NLGN1: variants seen among roughly 807,000 people sequenced by gnomAD.
NLGN1 encodes neuroligin-1.
Under a neutral mutation model 65.5 loss-of-function variants are expected in NLGN1, and 12 were observed. That is an observed-to-expected ratio of 0.18 (90% CI 0.12 to 0.30). NLGN1 has a LOEUF of 0.30. Ranked by LOEUF, NLGN1 falls within the 10% of genes least tolerant of loss-of-function variation. NLGN1 has a pLI of 1.00. For synonymous variants in NLGN1, 350 were observed against 359.5 expected, an observed-to-expected ratio of 0.97 and a Z score of 0.30; for missense variants, 750 against 1,007.1, an observed-to-expected ratio of 0.74 and a Z score of 3.46.
At chr3:173,750,297 A>G (rs967882632) in intron 3 of NLGN1, among the ~76,000 whole-genome samples, 12 of 151,986 alleles carry the variant, frequency 7.9e-5, no homozygotes, top group African/African-American at 2.9e-4. Context: ...CGTGTTAGTG[A>G]TAATTTATTA....
At chr3:173,885,730 G>C (rs541081999) in intron 4 of NLGN1, among the ~76,000 whole-genome samples, 2 of 151,956 alleles carry the variant, frequency 1.3e-5, no homozygotes, top group South Asian at 4.2e-4. Flanking sequence ...TCAAAATTTA[G>C]GAAGCAGAGA....
chr3:173,501,718 C>A (rs1252877215), intron 2 of NLGN1, among the ~76,000 whole-genome samples: 2 of 151,024 alleles, frequency 1.3e-5, no homozygotes, highest in African/African-American at 4.9e-5. Context: ...AATTTCTATA[C>A]ATAAAATTCT....
Position 174,066,564 on chromosome 3 carries a change from CTGTG to C in NLGN1, c.647-208727_647-208724del, listed in dbSNP as rs761468491. ...TCTCTCTCTCTCTCTCTCTCTCTCTCTGTGTGTGTGTGTGTGTGTGTGTGTGTAT... is the reference window on the plus strand; with the variant it reads ...TCTCTCTCTCTCTCTCTCTCTCTCTCTGTGTGTGTGTGTGTGTGTGTGTAT... On this transcript the variant is annotated intron_variant, in intron 4 of 6. Transcript: ENST00000457714. Among the ~76,000 whole-genome samples the C allele has an allele frequency of 1.6e-4, 16 of 100,098 alleles. No homozygotes were observed. In the South Asian group the frequency reaches 1.8e-3, roughly 11 times the overall value. 65.7% of individuals were successfully genotyped at this position (100,098 alleles called of 152,430 possible).
chr3:173,614,793 G>T (rs914960669), intron 3 of NLGN1, among the ~76,000 whole-genome samples: 1 of 152,070 alleles, frequency 6.6e-6, no homozygotes, highest in South Asian at 2.1e-4. Context: ...ACAATGGAAA[G>T]ATTTCTTTCC....
At chr3:174,014,837 T>C (rs971555508) in intron 4 of NLGN1, among the ~76,000 whole-genome samples, 1 of 152,130 alleles carries the variant, frequency 6.6e-6, no homozygotes, top group Non-Finnish European at 1.5e-5. Context: ...CGAGGGATCA[T>C]GTAAAGCACT....
intron 4 of NLGN1, among the ~76,000 whole-genome samples, chr3:173,845,093 A>G (rs185300071): frequency 5.6e-4 from 86 of 152,356 alleles, no homozygotes; most frequent in Admixed American, 2.1e-3. Context: ...AGTGGTTTTC[A>G]TAAAATAGCA....
At chr3:173,532,610 C>T (rs998989351) in intron 2 of NLGN1, among the ~76,000 whole-genome samples, 2 of 152,114 alleles carry the variant, frequency 1.3e-5, no homozygotes, top group African/African-American at 4.8e-5. Context: ...TAAGCAAAGT[C>T]CGATAGAGTA....
intron 2 of NLGN1, among the ~76,000 whole-genome samples, chr3:173,474,015 C>A (rs2148937905): frequency 6.6e-6 from 1 of 152,242 alleles, no homozygotes; most frequent in Admixed American, 6.5e-5. Flanking sequence ...AAACCCAGGG[C>A]TAGAAAGAAA....
In NLGN1 at chr3:173,823,050, T is replaced by C. The variant is rs183453506; in HGVS notation, c.646+15218T>C. 3.6e-3 allele frequency among the ~76,000 whole-genome samples: 541 copies of C among 152,174 alleles called. 4 individuals are homozygous for C. The highest frequency in any genetic ancestry group is 0.012 in the African/African-American group (509 of 41,564). ...TGACTCAAGTGGCATACAGTAGATG[T>C]CAGTGGAAATTCCTAGTTGCATCAA... On this transcript the variant is annotated intron_variant, in intron 4 of 6. Coordinates refer to ENST00000457714, the Ensembl canonical transcript of NLGN1.
At chr3:174,285,109 G>A (rs1056961635) in exon 7 of NLGN1, 1 of 151,336 alleles carries the variant, frequency 6.6e-6, no homozygotes, top group African/African-American at 2.4e-5. Context: ...TGAGAAATGT[G>A]TTCCAGCATT....
intron 4 of NLGN1, among the ~76,000 whole-genome samples, chr3:174,018,839 A>G (rs1486412293): frequency 1.3e-5 from 2 of 152,170 alleles, no homozygotes; most frequent in Non-Finnish European, 2.9e-5. Context: ...TTAGATTACT[A>G]TAATGTGAAT....
intron 4 of NLGN1, among the ~76,000 whole-genome samples, chr3:174,130,328 C>T (rs1164003009): frequency 6.6e-6 from 1 of 152,072 alleles, no homozygotes; most frequent in Non-Finnish European, 1.5e-5. Context: ...GAGCCGAGAT[C>T]GCGCCGTTGC....
At chr3:173,963,879 G>C (rs750259870) in intron 4 of NLGN1, among the ~76,000 whole-genome samples, 4 of 152,132 alleles carry the variant, frequency 2.6e-5, no homozygotes, top group Non-Finnish European at 5.9e-5. Context: ...TGGTAGGTGG[G>C]TAGGTGAGGA....
At chr3:173,702,032 G>A (rs1037046557) in intron 3 of NLGN1, among the ~76,000 whole-genome samples, 3 of 152,090 alleles carry the variant, frequency 2.0e-5, no homozygotes, top group African/African-American at 7.2e-5. Context: ...GAGGTCAGGA[G>A]ATCGAGACCA....
intron 3 of NLGN1, among the ~76,000 whole-genome samples, chr3:173,624,845 T>G (rs2149517194): frequency 6.6e-6 from 1 of 151,898 alleles, no homozygotes; most frequent in African/African-American, 2.4e-5. Context: ...AATTGTTTTT[T>G]TTTTTCCTAT....
chr3:174,033,829 A>C (rs548571455), intron 4 of NLGN1, among the ~76,000 whole-genome samples: 2 of 152,178 alleles, frequency 1.3e-5, no homozygotes, highest in Non-Finnish European at 2.9e-5. Context: ...AAGGTGTAAA[A>C]CATGTATAAT....
chr3:173,898,728 G>A (rs180798118), intron 4 of NLGN1, among the ~76,000 whole-genome samples: 145 of 152,242 alleles, frequency 9.5e-4, no homozygotes, highest in African/African-American at 3.3e-3. Flanking sequence ...ATTTTTAGTA[G>A]TAGGATTGTA....
intron 4 of NLGN1, among the ~76,000 whole-genome samples, chr3:173,952,686 A>T (rs144193339): frequency 1.7e-3 from 252 of 152,098 alleles, no homozygotes; most frequent in African/African-American, 5.7e-3. Context: ...CCATATGTTT[A>T]TTACATCAGG....
At chr3:174,031,104 T>A (rs902782811) in intron 4 of NLGN1, among the ~76,000 whole-genome samples, 4 of 152,244 alleles carry the variant, frequency 2.6e-5, no homozygotes, top group African/African-American at 9.6e-5. Context: ...GTTTATACCC[T>A]TCAGAAAGAC....
Sources: gnomAD v4.1 joint callset for allele counts (sites outside exome capture counted in the v4.1 genomes callset) on GRCh38, gnomAD v4.1.1 for gene constraint, MANE v1.5 for transcripts, NCBI Gene and HGNC (gene_info 2026-07-23, HGNC 2026-07-21) for gene names.